The following UBE2R2 variants were observed in gnomAD, a reference collection of about 807,000 sequenced individuals.
The protein encoded by UBE2R2 is ubiquitin-conjugating enzyme E2 R2.
UBE2R2 carries 1 observed loss-of-function variant against 27.8 expected under a neutral mutation model. That is an observed-to-expected ratio of 0.04 (90% CI 0.01 to 0.17). UBE2R2 has a LOEUF of 0.17. UBE2R2 is among the 10% of genes least tolerant of loss of function. The pLI, the probability that UBE2R2 is intolerant of heterozygous loss-of-function variation, is 1.00. For synonymous variants in UBE2R2, 106 were observed against 113.3 expected, an observed-to-expected ratio of 0.94 and a Z score of 0.41; for missense variants, 100 against 291.0, an observed-to-expected ratio of 0.34 and a Z score of 4.78.
At chr9:33,874,703 G>T (rs545539000) in intron 1 of UBE2R2, among the ~76,000 whole-genome samples, 2 of 151,792 alleles carry the variant, frequency 1.3e-5, no homozygotes, top group Admixed American at 6.6e-5. Flanking sequence ...ACAGGGTCTC[G>T]ACTTGTCTCC....
rs1202439634 is a variant in UBE2R2 at position 33,817,642 on chromosome 9, C to A, written c.-116C>A. On this transcript the variant is annotated 5_prime_UTR_variant, in exon 1 of 5. Transcript: ENST00000263228. ...TCTGGCCCGCCGGGTGTGTGAAGACCGGGGCCCGGTGCTGCCCGGCCGGAG... is the reference window on the plus strand; with the variant it reads ...TCTGGCCCGCCGGGTGTGTGAAGACAGGGGCCCGGTGCTGCCCGGCCGGAG... 1.1e-5 allele frequency: 12 copies of A among 1,118,218 alleles called. No individual in the cohort carries two copies. Among genetic ancestry groups the A allele is most frequent in the Middle Eastern group, 3.8e-4 (1 of 2,614 alleles). The allele number at this position is 1,118,218 out of a possible 1,614,324, so 69.3% of individuals were successfully genotyped here. A position where few individuals can be genotyped will look rare whatever the true frequency, so the allele number is the denominator to read the frequency against.
chr9:33,817,490 A>T lies in UBE2R2; in HGVS notation c.-268A>T. 5.9e-6 allele frequency: 1 copy of T among 168,792 alleles called. No individual in the cohort carries two copies. Among genetic ancestry groups the T allele is most frequent in the Non-Finnish European group, 1.2e-5 (1 of 82,226 alleles). The allele number at this position is 168,792 out of a possible 1,614,324, so 10.5% of individuals were successfully genotyped here. A position where few individuals can be genotyped will look rare whatever the true frequency, so the allele number is the denominator to read the frequency against. On this transcript the variant is annotated 5_prime_UTR_variant, in exon 1 of 5. Transcript: ENST00000263228. ...GGGGAGGCCCGGGACCGGGACCCGT[A>T]GCGAATTCTCCTAACTCCCTCGACC...
rs1442556125 is a variant in UBE2R2 at position 33,919,624 on chromosome 9, T to G, written c.*2387T>G. On this transcript the variant is annotated 3_prime_UTR_variant, in exon 5 of 5. Coordinates refer to ENST00000263228, the MANE Select transcript of UBE2R2 (RefSeq NM_017811.4). ...ACTGGGTAAGTCTCTTGCTAGCAGGTGGACATTCTGGTATTTTAGACTGAC... is the reference window on the plus strand; with the variant it reads ...ACTGGGTAAGTCTCTTGCTAGCAGGGGGACATTCTGGTATTTTAGACTGAC... 6.6e-6 allele frequency: 1 copy of G among 152,174 alleles called. No homozygotes were observed. The highest frequency in any genetic ancestry group is 1.5e-5 in the Non-Finnish European group (1 of 68,044). 9.4% of individuals were successfully genotyped at this position (152,174 alleles called of 1,614,324 possible). A position where few individuals can be genotyped will look rare whatever the true frequency, so the allele number is the denominator to read the frequency against.
chr9:33,828,492 C>G (rs1820368522), intron 1 of UBE2R2, among the ~76,000 whole-genome samples: 1 of 150,366 alleles, frequency 6.7e-6, no homozygotes, highest in South Asian at 2.1e-4. Context: ...TGGGTTCAAT[C>G]AGTTCTGCTG....
chr9:33,849,893 T>TA (rs149194951), intron 1 of UBE2R2, among the ~76,000 whole-genome samples: 294 of 152,154 alleles, frequency 1.9e-3, no homozygotes, highest in Non-Finnish European at 3.4e-3. Flanking sequence ...ATGAGACAAG[T>TA]ACCACTGACC....
At chr9:33,871,744 T>G (rs559074041) in intron 1 of UBE2R2, among the ~76,000 whole-genome samples, 1 of 152,340 alleles carries the variant, frequency 6.6e-6, no homozygotes, top group East Asian at 1.9e-4. Context: ...GGAGTCTCGC[T>G]CTGTCGCCCA....
At chr9:33,827,226 A>T (rs897242245) in intron 1 of UBE2R2, among the ~76,000 whole-genome samples, 2 of 152,188 alleles carry the variant, frequency 1.3e-5, no homozygotes, top group Non-Finnish European at 2.9e-5. Context: ...TAGAAGGTTG[A>T]GTTGAGGTGG....
rs569346486 is a variant in UBE2R2, at chr9:33,861,755, A to G, written c.178-25126A>G. Among the ~76,000 whole-genome samples the G allele has an allele frequency of 1.8e-4, 28 of 152,190 alleles. 1 individual carries two copies. The highest frequency in any genetic ancestry group is 6.3e-4 in the African/African-American group (26 of 41,534). ...CTTGAATGTTTTTTGATGGAGTAAA[A>G]TATGGATTGATGAAAGTGTTTTAAA... On this transcript the variant is annotated intron_variant, in intron 1 of 4. Coordinates refer to ENST00000263228, the MANE Select transcript of UBE2R2 (RefSeq NM_017811.4).
At chr9:33,870,284 A>G (rs192150344) in intron 1 of UBE2R2, among the ~76,000 whole-genome samples, 33 of 152,258 alleles carry the variant, frequency 2.2e-4, no homozygotes, top group Non-Finnish European at 3.5e-4. Context: ...CTGGAATTAC[A>G]GGCTCATGCC....
chr9:33,847,355 A>C (rs1349715194), intron 1 of UBE2R2, among the ~76,000 whole-genome samples: 2 of 151,922 alleles, frequency 1.3e-5, no homozygotes, highest in Non-Finnish European at 2.9e-5. Flanking sequence ...TCAGCCTCCC[A>C]AAGTGCTGGG....
At chr9:33,827,555 T>C (rs1424145244) in intron 1 of UBE2R2, among the ~76,000 whole-genome samples, 1 of 151,828 alleles carries the variant, frequency 6.6e-6, no homozygotes, top group Non-Finnish European at 1.5e-5. Flanking sequence ...GCAGGAGAAT[T>C]GTTTGAATGC....
chr9:33,887,024 T>C, intron 2 of UBE2R2, 57 bp downstream of exon 2: 1 of 1,388,422 alleles, frequency 7.2e-7, no homozygotes, highest in East Asian at 2.3e-5. Flanking sequence ...AATCAGTACT[T>C]TAAAATAGCC....
intron 1 of UBE2R2, among the ~76,000 whole-genome samples, chr9:33,828,512 C>A (rs931081697): frequency 1.3e-5 from 2 of 151,424 alleles, no homozygotes; most frequent in African/African-American, 4.9e-5. Flanking sequence ...GCCTTAGCCT[C>A]CAAGTAGCTG....
intron 2 of UBE2R2, among the ~76,000 whole-genome samples, chr9:33,894,739 A>T (rs1456808544): frequency 6.6e-6 from 1 of 152,206 alleles, no homozygotes; most frequent in African/African-American, 2.4e-5. Context: ...TATAAAAAAA[A>T]TTTTAAAATT....
intron 2 of UBE2R2, among the ~76,000 whole-genome samples, chr9:33,895,374 T>A (rs1224126040): frequency 6.6e-6 from 1 of 152,232 alleles, no homozygotes; most frequent in East Asian, 1.9e-4. Context: ...TATTGGATTA[T>A]TTCTGGACTC....
chr9:33,866,939 G>A (rs576346984), intron 1 of UBE2R2, among the ~76,000 whole-genome samples: 8 of 151,962 alleles, frequency 5.3e-5, no homozygotes, highest in African/African-American at 1.7e-4. Context: ...TGATTTTTTC[G>A]ATGAAACAGA....
rs1229861229 is a variant in UBE2R2 at position 33,836,765 on chromosome 9, A to AT, written c.177+18831_177+18832insT. On this transcript the variant is annotated intron_variant, in intron 1 of 4. Coordinates refer to ENST00000263228, the MANE Select transcript of UBE2R2 (RefSeq NM_017811.4). ...GAGCAAGACTCTTATCTCAAAAAAAAAAAATATATATATATATATTCTTGA... is the reference window on the plus strand; with the variant it reads ...GAGCAAGACTCTTATCTCAAAAAAAATAAAATATATATATATATATTCTTGA... Among the ~76,000 whole-genome samples the AT allele has an allele frequency of 2.1e-4, 30 of 145,502 alleles. 2 individuals are homozygous for AT. The highest frequency in any genetic ancestry group is 1.2e-3 in the Admixed American group (18 of 14,566).
At chr9:33,902,372 A>C (rs973855930) in intron 3 of UBE2R2, among the ~76,000 whole-genome samples, 1 of 152,120 alleles carries the variant, frequency 6.6e-6, no homozygotes, top group Non-Finnish European at 1.5e-5. Flanking sequence ...TCTATACAAG[A>C]ATAATACCTA....
At chr9:33,911,574 T>G (rs749599566) in intron 3 of UBE2R2, among the ~76,000 whole-genome samples, 5 of 152,122 alleles carry the variant, frequency 3.3e-5, no homozygotes, top group African/African-American at 4.8e-5. Context: ...TTCTAAGACA[T>G]CTGCTTTCTG....
Sources: allele counts gnomAD v4.1 joint callset (sites outside exome capture counted in the v4.1 genomes callset), GRCh38; gene constraint gnomAD v4.1.1; transcripts MANE v1.5; gene names NCBI Gene and HGNC (gene_info 2026-07-23, HGNC 2026-07-21).